MOK: variants seen among roughly 807,000 people sequenced by gnomAD.
MOK encodes MAPK/MAK/MRK overlapping kinase.
In MOK, 59 loss-of-function variants were observed where a neutral mutation model predicts 54.2. The observed-to-expected ratio is 1.09, with a 90% confidence interval of 0.88 to 1.35. The LOEUF (loss-of-function observed/expected upper bound fraction) is 1.35. MOK is among the 40% of genes most tolerant of loss of function. MOK has a pLI of 0.00. For missense variants in MOK, 517 were observed against 526.2 expected (o/e 0.98, Z 0.17); for synonymous variants, 210 against 202.7 (o/e 1.04, Z -0.31).
At chr14:102,222,066 T>TAA (rs898772373), downstream of MOK, among the ~76,000 whole-genome samples, 2 of 152,256 alleles carry the variant, frequency 1.3e-5, no homozygotes, top group African/African-American at 4.8e-5. The surrounding 1 kb of genome is among the most constrained non-coding windows in gnomAD (Gnocchi z 4.4). Flanking sequence ...ACCAGTATTG[T>TAA]AAAATCTGGG....
intron 1 of MOK, 91 bp downstream of exon 1, chr14:102,304,871 A>C: frequency 7.0e-7 from 1 of 1,436,784 alleles, no homozygotes; most frequent in Non-Finnish European, 9.5e-7. Flanking sequence ...GCCCGGCCCC[A>C]CAGGCCCCTC....
intron 2 of MOK, among the ~76,000 whole-genome samples, chr14:102,267,833 C>A (rs1343050568): frequency 6.6e-6 from 1 of 152,040 alleles, no homozygotes; most frequent in East Asian, 1.9e-4. Flanking sequence ...GGAGCTGGGT[C>A]CTCAAAGTGG....
At chr14:102,226,664 C>T (rs1468217622), downstream of MOK, among the ~76,000 whole-genome samples, 1 of 152,200 alleles carries the variant, frequency 6.6e-6, no homozygotes, top group African/African-American at 2.4e-5. The surrounding 1 kb of genome is among the most constrained non-coding windows in gnomAD (Gnocchi z 4.8). Flanking sequence ...CGCCTCCTGC[C>T]AAGAGCAGGC....
At chr14:102,226,445 C>G, downstream of MOK, 1 of 702,764 alleles carries the variant, frequency 1.4e-6, no homozygotes. The surrounding 1 kb of genome is among the most constrained non-coding windows in gnomAD (Gnocchi z 4.8). Flanking sequence ...TTGCATTGCA[C>G]AGAAGAATGG....
chr14:102,233,611 C>T, intron 8 of MOK, 77 bp downstream of exon 8: 1 of 1,306,986 alleles, frequency 7.7e-7, no homozygotes, highest in Non-Finnish European at 1.1e-6. Flanking sequence ...TTGAGGGAGG[C>T]ACAGGGAGGG....
chr14:102,250,811 C>T lies in MOK; in HGVS notation c.590+1G>A. On this transcript the variant is annotated splice_donor_variant, in intron 7 of 11. Transcript: ENST00000361847. LOFTEE classifies it high-confidence loss of function. ...CAGGCAGGAGCCTGGCCTGGTGCTACCTGGCGATCTCGTAGAACACACAGC... is the reference window on the plus strand; with the variant it reads ...CAGGCAGGAGCCTGGCCTGGTGCTATCTGGCGATCTCGTAGAACACACAGC... 6.2e-7 allele frequency: 1 copy of T among 1,612,792 alleles called. No individual in the cohort carries two copies. Among genetic ancestry groups the T allele is most frequent in the South Asian group, 1.1e-5 (1 of 91,000 alleles).
chr14:102,299,597 T>C (rs965417624), intron 1 of MOK, among the ~76,000 whole-genome samples: 2 of 152,186 alleles, frequency 1.3e-5, no homozygotes, highest in Non-Finnish European at 2.9e-5. Context: ...TTTTGTTTTA[T>C]TTTTTTGAAA....
rs561389026 is a variant in MOK, at chr14:102,265,248, C to T, written c.212+575G>A. ...AATTCACACTCAAGACCTTAGCAGC[C>T]TAACTGAGCTCCAGGAGATGAACTG... On this transcript the variant is annotated intron_variant, in intron 3 of 11. Coordinates refer to ENST00000361847, the MANE Select transcript of MOK (RefSeq NM_014226.3). Among the ~76,000 whole-genome samples, 8 of 152,328 alleles carry T rather than the reference C, an allele frequency of 5.3e-5. No homozygotes were observed. In the South Asian group the frequency reaches 8.3e-4, roughly 16 times the overall value.
intron 4 of MOK, among the ~76,000 whole-genome samples, chr14:102,260,426 C>T (rs1374402412): frequency 6.6e-6 from 1 of 152,164 alleles, no homozygotes; most frequent in Non-Finnish European, 1.5e-5. Flanking sequence ...GTATTAAGAA[C>T]AGTGCCTGGC....
At chr14:102,222,660 C>A (rs2064045766), downstream of MOK, among the ~76,000 whole-genome samples, 1 of 152,146 alleles carries the variant, frequency 6.6e-6, no homozygotes, top group Admixed American at 6.5e-5. This position sits in a 1 kb window ranked among gnomAD's most constrained non-coding sequence, Gnocchi z 4.4. Flanking sequence ...GAATGGAACG[C>A]AGTGATCTGG....
downstream of MOK, chr14:102,226,543 C>T (rs1440431390): frequency 1.5e-6 from 1 of 675,532 alleles, no homozygotes; most frequent in Non-Finnish European, 2.7e-6. The surrounding 1 kb of genome is among the most constrained non-coding windows in gnomAD (Gnocchi z 4.8). Flanking sequence ...GCAAGGTGGC[C>T]TCCTATGGGC....
chr14:102,239,625 C>T (rs1274661977), intron 7 of MOK, among the ~76,000 whole-genome samples: 3 of 152,218 alleles, frequency 2.0e-5, no homozygotes, highest in African/African-American at 4.8e-5. Context: ...AATCCCAGTA[C>T]AGTGGGAGGC....
At chr14:102,293,701 C>CAAAAA (rs10598736) in intron 1 of MOK, among the ~76,000 whole-genome samples, 2,101 of 52,830 alleles carry the variant, frequency 0.04, no homozygotes, top group East Asian at 0.078. Context: ...AACTCCATCA[C>CAAAAA]AAAAAAAAAA....
intron 1 of MOK, among the ~76,000 whole-genome samples, chr14:102,299,765 G>A (rs1236251175): frequency 6.6e-6 from 1 of 152,044 alleles, no homozygotes; most frequent in African/African-American, 2.4e-5. Context: ...TTTAAATTTA[G>A]TAGAGACAGA....
chr14:102,233,999 G>C (rs1335582170), intron 7 of MOK: 16 of 524,676 alleles, frequency 3.0e-5, no homozygotes, highest in Non-Finnish European at 5.5e-5. Flanking sequence ...AAACAACCCC[G>C]GGATGTGACC....
In MOK at chr14:102,229,119, C is replaced by G; in HGVS notation, c.*170G>C. The G allele has an allele frequency of 1.6e-6, 1 of 633,582 alleles. No individual in the cohort carries two copies. Among genetic ancestry groups the G allele is most frequent in the South Asian group, 2.2e-5 (1 of 45,924 alleles). 39.2% of individuals were successfully genotyped at this position (633,582 alleles called of 1,614,324 possible). On this transcript the variant is annotated 3_prime_UTR_variant, in exon 12 of 12. Coordinates refer to ENST00000361847, the MANE Select transcript of MOK (RefSeq NM_014226.3). ...TAGCCCAGAACATCCTAGGCAGCTGCGCGGGCCGCGGGTGCGGCAGGGCGC... is the reference window on the plus strand; with the variant it reads ...TAGCCCAGAACATCCTAGGCAGCTGGGCGGGCCGCGGGTGCGGCAGGGCGC...
At chr14:102,226,491 A>C (rs1203228547), downstream of MOK, 5 of 699,888 alleles carry the variant, frequency 7.1e-6, no homozygotes, top group Admixed American at 8.0e-5. The surrounding 1 kb of genome is among the most constrained non-coding windows in gnomAD (Gnocchi z 4.8). Flanking sequence ...CGAGCTTTCC[A>C]GTTTGGGGTG....
At chr14:102,269,705 T>G (rs991234564) in intron 2 of MOK, among the ~76,000 whole-genome samples, 1 of 152,026 alleles carries the variant, frequency 6.6e-6, no homozygotes, top group African/African-American at 2.4e-5. Flanking sequence ...ACTCCTGATC[T>G]CAAGTGATCC....
At chr14:102,282,689 G>C (rs1177640321) in intron 2 of MOK, among the ~76,000 whole-genome samples, 1 of 151,962 alleles carries the variant, frequency 6.6e-6, no homozygotes, top group East Asian at 1.9e-4. Flanking sequence ...AGCCAAGATC[G>C]AGCCATTGCA....
Sources: allele counts gnomAD v4.1 joint callset (sites outside exome capture counted in the v4.1 genomes callset), GRCh38; gene constraint gnomAD v4.1.1; non-coding constraint Gnocchi (gnomAD v3.1); transcripts MANE v1.5; gene names NCBI Gene and HGNC (gene_info 2026-07-23, HGNC 2026-07-21).